Variants in ARHGAP17 observed in about 807,000 individuals in gnomAD.
The protein encoded by ARHGAP17 is rho GTPase-activating protein 17.
Under a neutral mutation model 99.5 loss-of-function variants are expected in ARHGAP17, and 57 were observed. The ratio of observed to expected loss-of-function variants is 0.57; its 90% CI spans 0.46 to 0.71. ARHGAP17 has a LOEUF of 0.71. Among genes scored for constraint, ARHGAP17 ranks in the 30% least tolerant of loss-of-function variants. ARHGAP17 has a pLI of 0.00. For synonymous variants in ARHGAP17, 417 were observed against 429.6 expected, an observed-to-expected ratio of 0.97 and a Z score of 0.36; for missense variants, 1,000 against 1,122.4, an observed-to-expected ratio of 0.89 and a Z score of 1.56.
chr16:24,927,265 C>A (rs1031092921), intron 19 of ARHGAP17, among the ~76,000 whole-genome samples: 1 of 152,180 alleles, frequency 6.6e-6, no homozygotes, highest in African/African-American at 2.4e-5. Context: ...ACAGAATAAT[C>A]TTGGACTTTC....
At chr16:24,999,861 C>T (rs2053310822) in intron 1 of ARHGAP17, among the ~76,000 whole-genome samples, 1 of 152,120 alleles carries the variant, frequency 6.6e-6, no homozygotes, top group Non-Finnish European at 1.5e-5. Context: ...TGTATTTTGG[C>T]ATAGAGCAGT....
chr16:24,947,871 T>C (rs1042214883), intron 13 of ARHGAP17, among the ~76,000 whole-genome samples: 3 of 152,362 alleles, frequency 2.0e-5, no homozygotes, highest in Non-Finnish European at 2.9e-5. Context: ...TTCTCCTTTA[T>C]GTCCTATCTA....
At chr16:24,977,563 C>CCA (rs35427776) in intron 2 of ARHGAP17, 155,330 of 339,688 alleles carry the variant, frequency 0.46, 38,161 homozygotes, top group African/African-American at 0.72. Context: ...CTGGAAAAAA[C>CCA]CAGAGATGCC....
In ARHGAP17 at chr16:25,015,139, TCCC is replaced by T; in HGVS notation, c.53+67_53+69del. On this transcript the variant is annotated intron_variant, in intron 1 of 19. Transcript: ENST00000289968. Reference sequence around the variant, plus strand: ...GAGCCGCCGGACCGCGGAGGAGCCGTCCCGCCCCCGCGCCCTCCGCCCTCCGCC... The same window carrying T: ...GAGCCGCCGGACCGCGGAGGAGCCGTGCCCCCGCGCCCTCCGCCCTCCGCC... 5 of 1,195,746 alleles carry T rather than the reference TCCC, an allele frequency of 4.2e-6. No homozygotes were observed. The African/African-American group carries it at 5.1e-5, about 12-fold the overall frequency. 74.1% of individuals were successfully genotyped at this position (1,195,746 alleles called of 1,614,324 possible). A position where few individuals can be genotyped will look rare whatever the true frequency, so the allele number is the denominator to read the frequency against.
At chr16:24,966,258 A>T (rs2052176949) in intron 6 of ARHGAP17, among the ~76,000 whole-genome samples, 1 of 152,158 alleles carries the variant, frequency 6.6e-6, no homozygotes, top group African/African-American at 2.4e-5. Flanking sequence ...ACACTGTGGG[A>T]GGTCAAGAAG....
chr16:24,952,733 T>G (rs1226361081), intron 11 of ARHGAP17, among the ~76,000 whole-genome samples, 198 bp downstream of exon 11: 3 of 152,098 alleles, frequency 2.0e-5, no homozygotes, highest in Non-Finnish European at 4.4e-5. Flanking sequence ...ATCATCAAAA[T>G]AGAAAAACAG....
intron 11 of ARHGAP17, 104 bp from the exon 12 acceptor site, chr16:24,952,474 A>G (rs2141236912): frequency 1.2e-6 from 1 of 812,662 alleles, no homozygotes; most frequent in Non-Finnish European, 2.0e-6. Flanking sequence ...CGATCTTCCA[A>G]GGTGTACATA....
chr16:24,953,633 C>T (rs796349574), intron 10 of ARHGAP17, among the ~76,000 whole-genome samples: 3 of 152,328 alleles, frequency 2.0e-5, no homozygotes, highest in African/African-American at 7.2e-5. Context: ...TCTCCAGCCA[C>T]GATTCCTGTA....
chr16:24,970,377 C>T (rs1329339885), intron 4 of ARHGAP17, 130 bp downstream of exon 4: 28 of 862,120 alleles, frequency 3.2e-5, no homozygotes, highest in Non-Finnish European at 4.5e-5. Flanking sequence ...GAGTCTCAGC[C>T]GGTCTCCTAG....
rs150261398 is a variant in ARHGAP17 at position 24,942,019 on chromosome 16, C to T, written c.1458G>A (p.Ala486=). The T allele has an allele frequency of 9.0e-5, 145 of 1,614,078 alleles. No individual in the cohort carries two copies. In the African/African-American group the frequency reaches 9.5e-4, roughly 11 times the overall value. The change falls in exon 16 of 20, where the codon GCG becomes GCA. Residue 486 remains alanine (A), a synonymous_variant. Transcript: ENST00000289968. ...TCTTCACCAAGTCTCCTTCCATCAC[C>T]GCCATGCTAGCAGGCCGCTTCCTCT... The part of the protein sequence containing the change: ...TLERKRPASM[A]VMEGDLVKKE...
intron 15 of ARHGAP17, among the ~76,000 whole-genome samples, 189 bp from the exon 16 acceptor site, chr16:24,942,332 A>G (rs574523015): frequency 6.6e-6 from 1 of 152,240 alleles, no homozygotes; most frequent in East Asian, 1.9e-4. Context: ...TGTTAAGAGG[A>G]CAAGACAGGG....
At chr16:24,958,170 CCT>C (rs1195792795) in intron 9 of ARHGAP17, among the ~76,000 whole-genome samples, 4 of 152,006 alleles carry the variant, frequency 2.6e-5, no homozygotes, top group Non-Finnish European at 4.4e-5. Context: ...GGGAAAATAC[CCT>C]TGGGAAAAAA....
chr16:24,993,887 A>C (rs8056443), intron 1 of ARHGAP17, among the ~76,000 whole-genome samples: 48,086 of 152,126 alleles, frequency 0.32, 7,823 homozygotes, highest in East Asian at 0.5. Flanking sequence ...TTCTCACAGG[A>C]CTTTTAAGAG....
At chr16:24,954,949 G>A (rs750904475) in intron 9 of ARHGAP17, 42 of 545,840 alleles carry the variant, frequency 7.7e-5, no homozygotes, top group Middle Eastern at 4.9e-4. Flanking sequence ...AAGCCTGAGC[G>A]TACCTAGATG....
At chr16:25,013,072 G>GCAGT (rs1179190048) in intron 1 of ARHGAP17, among the ~76,000 whole-genome samples, 1 of 152,190 alleles carries the variant, frequency 6.6e-6, no homozygotes, top group Admixed American at 6.5e-5. Flanking sequence ...CACACAAGAG[G>GCAGT]CAGTCACAGC....
chr16:24,950,768 T>G (rs1477345682), intron 12 of ARHGAP17, among the ~76,000 whole-genome samples: 1 of 128,794 alleles, frequency 7.8e-6, no homozygotes, highest in Non-Finnish European at 1.6e-5. Context: ...ACCAGGGAGG[T>G]GGAGGTTGCA....
At chr16:24,989,451 G>T (rs1432633702) in intron 1 of ARHGAP17, among the ~76,000 whole-genome samples, 2 of 152,170 alleles carry the variant, frequency 1.3e-5, no homozygotes, top group Admixed American at 6.5e-5. Flanking sequence ...AAAGATCTAG[G>T]AGGTAACAGT....
chr16:24,968,706 G>C lies in ARHGAP17; in HGVS notation c.339C>G (p.Val113=). ...QLALELSQHE[V]FVEKEIVDPL... is the part of the protein sequence containing the mutation. ...GGTCCACGATCTCCTTCTCAACAAA[G>C]ACTTCGTGCTGGGAGAGCTCGAGAG... The change falls in exon 5 of 20, where the codon GTC becomes GTG. Residue 113 remains valine, a synonymous_variant. Coordinates refer to ENST00000289968, the MANE Select transcript of ARHGAP17 (RefSeq NM_001006634.3). 1 of 1,614,194 alleles carries C rather than the reference G, an allele frequency of 6.2e-7. No homozygotes were observed. The highest frequency in any genetic ancestry group is 2.2e-5 in the East Asian group (1 of 44,878).
chr16:24,947,311 G>T (rs1218913191), intron 14 of ARHGAP17, among the ~76,000 whole-genome samples, 171 bp downstream of exon 14: 1 of 152,202 alleles, frequency 6.6e-6, no homozygotes, highest in Non-Finnish European at 1.5e-5. Context: ...CACCAGCTGG[G>T]ACAGCACCCA....
Sources: gnomAD v4.1 joint callset for allele counts (sites outside exome capture counted in the v4.1 genomes callset) on GRCh38, gnomAD v4.1.1 for gene constraint, MANE v1.5 for transcripts, NCBI Gene and HGNC (gene_info 2026-07-23, HGNC 2026-07-21) for gene names.